PPME1: variants seen among roughly 807,000 people sequenced by gnomAD.
PPME1 encodes testicular secretory protein Li 39.
Under a neutral mutation model 56.9 loss-of-function variants are expected in PPME1, and 17 were observed. That is an observed-to-expected ratio of 0.30 (90% CI 0.20 to 0.45). The LOEUF is 0.45. Ranked by LOEUF, PPME1 falls within the 20% of genes least tolerant of loss-of-function variation. The pLI, the probability that PPME1 is intolerant of heterozygous loss-of-function variation, is 1.00. For synonymous variants in PPME1, 122 were observed against 156.2 expected (o/e 0.78, Z 1.63); for missense variants, 357 against 483.2 (o/e 0.74, Z 2.45).
intron 8 of PPME1, 76 bp from the exon 9 acceptor site, chr11:74,239,057 C>T (rs897168473): frequency 2.2e-5 from 31 of 1,384,192 alleles, no homozygotes; most frequent in Admixed American, 8.8e-5. Context: ...TATAAAAGGC[C>T]GTAAGTATGA....
intron 8 of PPME1, among the ~76,000 whole-genome samples, chr11:74,237,275 C>CTTGTTTTTTT (rs1859215188): frequency 7.8e-6 from 1 of 128,032 alleles, no homozygotes; most frequent in African/African-American, 3.2e-5. Context: ...GTCTGGTTGT[C>CTTGTTTTTTT]TTTTTTTTTT....
At chr11:74,218,163 T>G (rs1370781436) in intron 3 of PPME1, among the ~76,000 whole-genome samples, 1 of 152,058 alleles carries the variant, frequency 6.6e-6, no homozygotes, top group African/African-American at 2.4e-5. Flanking sequence ...AAAGTAACCC[T>G]ATTTACAGTA....
Position 74,245,970 on chromosome 11 carries a change from A to G in PPME1, c.835-106A>G, listed in dbSNP as rs576638323. 9.0e-6 allele frequency: 12 copies of G among 1,326,814 alleles called. No individual in the cohort carries two copies. The South Asian group carries it at 1.1e-4, about 12-fold the overall frequency. The allele number at this position is 1,326,814 out of a possible 1,614,324, so 82.2% of individuals were successfully genotyped here. ...ATGTCTAGGACTTAGTAGGTCCTTA[A>G]TAAGTGCTAGTTTCCTTCCCTTTCC... is the stretch of plus-strand genomic sequence containing the variant. On this transcript the variant is annotated intron_variant, in intron 9 of 13. Coordinates refer to ENST00000328257, the MANE Select transcript of PPME1 (RefSeq NM_016147.3).
At chr11:74,178,916 T>G (rs1857463502) in intron 1 of PPME1, among the ~76,000 whole-genome samples, 1 of 152,186 alleles carries the variant, frequency 6.6e-6, no homozygotes, top group South Asian at 2.1e-4. Context: ...AAAATAGTTT[T>G]TTTTTTTTTA....
rs1859088511 is a variant in PPME1, at chr11:74,232,358, A to G, written c.644+1356A>G. On this transcript the variant is annotated intron_variant, in intron 7 of 13. Transcript: ENST00000328257. The stretch of plus-strand genomic sequence containing the variant: ...ATATCTGTTAACTGAATCAGATATC[A>G]AGTGGAAATTTAGGACTTGGTAAAT... 4.6e-5 allele frequency among the ~76,000 whole-genome samples: 7 copies of G among 152,388 alleles called. No individual in the cohort carries two copies. The South Asian group carries it at 1.4e-3, about 32-fold the overall frequency.
intron 1 of PPME1, among the ~76,000 whole-genome samples, chr11:74,173,370 T>C (rs1422188310): frequency 3.3e-5 from 5 of 152,116 alleles, no homozygotes; most frequent in Non-Finnish European, 7.4e-5. Flanking sequence ...TTTTAATAAT[T>C]ATACATTCCT....
At chr11:74,197,179 A>G (rs552200681) in intron 1 of PPME1, among the ~76,000 whole-genome samples, 1 of 152,362 alleles carries the variant, frequency 6.6e-6, no homozygotes, top group Admixed American at 6.5e-5. Flanking sequence ...TAGAAAGTTT[A>G]TAAGGATTAA....
chr11:74,207,785 C>T (rs1160689728), intron 3 of PPME1, among the ~76,000 whole-genome samples: 2 of 152,176 alleles, frequency 1.3e-5, no homozygotes, highest in Non-Finnish European at 2.9e-5. Context: ...AGTGGGATCT[C>T]ATTAGCACAT....
Position 74,253,759 on chromosome 11 carries a change from G to A in PPME1, c.*249G>A. The A allele has an allele frequency of 1.7e-6, 1 of 582,730 alleles. No individual in the cohort carries two copies. The highest frequency in any genetic ancestry group is 3.0e-6 in the Non-Finnish European group (1 of 327,892). The allele number at this position is 582,730 out of a possible 1,614,324, so 36.1% of individuals were successfully genotyped here. ...TGCTCCTTTCCCTTCCCTGTACTGG[G>A]GTAGCTCCTGCCTGCTCTCCCTGCG... On this transcript the variant is annotated 3_prime_UTR_variant, in exon 14 of 14. Coordinates refer to ENST00000328257, the MANE Select transcript of PPME1 (RefSeq NM_016147.3).
At chr11:74,208,946 G>C (rs1265828588) in intron 3 of PPME1, among the ~76,000 whole-genome samples, 1 of 152,150 alleles carries the variant, frequency 6.6e-6, no homozygotes, top group African/African-American at 2.4e-5. Flanking sequence ...TAGAGTTGAG[G>C]TTGTAGTTGT....
chr11:74,196,695 C>T (rs73565826), intron 1 of PPME1, among the ~76,000 whole-genome samples: 15,803 of 151,916 alleles, frequency 0.1, 2,149 homozygotes, highest in African/African-American at 0.32. Context: ...AGGACGTTCC[C>T]GAAAGTAAGA....
intron 3 of PPME1, chr11:74,206,002 C>G (rs1468649305): frequency 1.3e-5 from 2 of 152,028 alleles, no homozygotes; most frequent in Non-Finnish European, 2.9e-5. Flanking sequence ...ATTACCTAAT[C>G]AATATAAAAA....
intron 9 of PPME1, among the ~76,000 whole-genome samples, chr11:74,239,477 A>G (rs2135671095): frequency 6.6e-6 from 1 of 152,292 alleles, no homozygotes; most frequent in Non-Finnish European, 1.5e-5. Context: ...ACCCTCCCCT[A>G]AAACAGACTG....
intron 3 of PPME1, among the ~76,000 whole-genome samples, chr11:74,213,439 G>A (rs1351561233): frequency 6.6e-6 from 1 of 152,220 alleles, no homozygotes; most frequent in South Asian, 2.1e-4. Flanking sequence ...CAGAAGCCTG[G>A]CTGGCTTTGC....
At chr11:74,234,406 T>G (rs887682492) in intron 7 of PPME1, among the ~76,000 whole-genome samples, 4 of 152,194 alleles carry the variant, frequency 2.6e-5, no homozygotes, top group Admixed American at 2.0e-4. Context: ...GATCCAAGAC[T>G]GAGTCTTGGG....
At chr11:74,204,237 C>T (rs1858260440) in intron 2 of PPME1, 116 bp from the exon 3 acceptor site, 3 of 727,818 alleles carry the variant, frequency 4.1e-6, no homozygotes, top group South Asian at 3.9e-5. Flanking sequence ...GCTTACATCT[C>T]TTACATTTGG....
At chr11:74,192,511 G>C (rs1857866002) in intron 1 of PPME1, among the ~76,000 whole-genome samples, 1 of 152,106 alleles carries the variant, frequency 6.6e-6, no homozygotes, top group South Asian at 2.1e-4. Context: ...TGCAATGTGA[G>C]AAGGAGATGA....
chr11:74,174,126 C>CA (rs1372756975), intron 1 of PPME1, among the ~76,000 whole-genome samples: 3 of 144,956 alleles, frequency 2.1e-5, no homozygotes, highest in African/African-American at 8.7e-5. Context: ...GACATGGTCT[C>CA]ATTTCACCAC....
Position 74,172,542 on chromosome 11 carries a change from AG to A in PPME1, c.101+1022del, listed in dbSNP as rs1427928326. On this transcript the variant is annotated intron_variant, in intron 1 of 13. Coordinates refer to ENST00000328257, the MANE Select transcript of PPME1 (RefSeq NM_016147.3). ...TCGAGAAATAGTTTGCTGGAAAGGA[AG>A]GAGAGCCATGTAGAAGAGATAGGTT... is the stretch of plus-strand genomic sequence containing the variant. Among the ~76,000 whole-genome samples, 6 of 152,236 alleles carry A rather than the reference AG, an allele frequency of 3.9e-5. 1 individual carries two copies. The highest frequency in any genetic ancestry group is 3.3e-4 in the Admixed American group (5 of 15,288).
Sources: allele counts gnomAD v4.1 joint callset (sites outside exome capture counted in the v4.1 genomes callset), GRCh38; gene constraint gnomAD v4.1.1; transcripts MANE v1.5; gene names NCBI Gene and HGNC (gene_info 2026-07-23, HGNC 2026-07-21).